CATSPERG: variants seen among roughly 807,000 people sequenced by gnomAD.
CATSPERG encodes the protein catsper channel auxiliary subunit gamma.
Under a neutral mutation model 145.0 loss-of-function variants are expected in CATSPERG, and 115 were observed. The observed-to-expected ratio is 0.79, with a 90% CI of 0.68 to 0.93. The LOEUF (loss-of-function observed/expected upper bound fraction) is 0.93, where lower values mean the gene tolerates loss of function less well. Ranked by LOEUF, CATSPERG falls within the 40% of genes least tolerant of loss-of-function variation. The pLI is 0.00. For missense variants in CATSPERG, 1,296 were observed against 1,490.1 expected, an observed-to-expected ratio of 0.87 and a Z score of 2.14; for synonymous variants, 588 against 589.0, an observed-to-expected ratio of 1.00 and a Z score of 0.02.
intron 8 of CATSPERG, among the ~76,000 whole-genome samples, chr19:38,353,951 A>T (rs1169280363): frequency 3.6e-5 from 5 of 137,292 alleles, no homozygotes; most frequent in Non-Finnish European, 7.6e-5. Context: ...AGATCGTGCC[A>T]CTGCACTCCA....
chr19:38,342,609 A>G (rs1600445530), intron 3 of CATSPERG, among the ~76,000 whole-genome samples: 1 of 151,824 alleles, frequency 6.6e-6, no homozygotes, highest in African/African-American at 2.4e-5. Context: ...TGAAAAAAAA[A>G]AAAAAAAGGA....
At chr19:38,350,066 C>T (rs926335547) in intron 7 of CATSPERG, among the ~76,000 whole-genome samples, 8 of 152,174 alleles carry the variant, frequency 5.3e-5, no homozygotes, top group Admixed American at 2.0e-4. Context: ...TGTATGATGG[C>T]AGCCACTGGG....
At position 38,362,782 on chromosome 19, in the gene CATSPERG, G is replaced by C. The variant is rs1198307590; in HGVS notation, c.2425G>C (p.Ala809Pro). The C allele has an allele frequency of 1.9e-6, 3 of 1,614,192 alleles. No individual in the cohort carries two copies. The highest frequency in any genetic ancestry group is 2.5e-6 in the Non-Finnish European group (3 of 1,180,026). ...GCTGGCCGACCCCGGCTGCATCGAG[G>C]CCTCGGTGAAGCAGGAGGTCCTGAT... ...VVLADPGCIE[A>P]SVKQEVLINR... The change falls in exon 20 of 29, where the codon GCC becomes CCC. Residue 809 changes from alanine to proline, a missense_variant. Coordinates refer to ENST00000409235, the MANE Select transcript of CATSPERG (RefSeq NM_021185.5).
chr19:38,367,125 A>G, intron 22 of CATSPERG, 31 bp from the exon 23 acceptor site: 1 of 1,594,432 alleles, frequency 6.3e-7, no homozygotes, highest in South Asian at 1.1e-5. Context: ...GACCCTGGCC[A>G]CCCCTGTGAG....
At chr19:38,366,071 ATCTC>A (rs1189386779) in intron 22 of CATSPERG, 2 of 152,234 alleles carry the variant, frequency 1.3e-5, no homozygotes, top group African/African-American at 2.4e-5. Flanking sequence ...CTGCTTTCAC[ATCTC>A]TCTCTTCTTC....
At chr19:38,357,990 C>T (rs928837908) in intron 11 of CATSPERG, 8 of 355,268 alleles carry the variant, frequency 2.3e-5, no homozygotes, top group East Asian at 1.0e-4. Flanking sequence ...TGGTGGTGTG[C>T]GCCTATAATC....
intron 6 of CATSPERG, among the ~76,000 whole-genome samples, chr19:38,345,263 A>AT (rs1568373129): frequency 2.0e-5 from 3 of 147,062 alleles, no homozygotes; most frequent in Admixed American, 6.8e-5. Flanking sequence ...CCTGCTAATA[A>AT]TTTTTTTATT....
At chr19:38,343,217 CT>C (rs1805372325) in intron 3 of CATSPERG, among the ~76,000 whole-genome samples, 1 of 152,136 alleles carries the variant, frequency 6.6e-6, no homozygotes, top group Non-Finnish European at 1.5e-5. Flanking sequence ...AAGCAGCACC[CT>C]GGGTGCCACA....
chr19:38,356,965 C>A, intron 11 of CATSPERG, 104 bp downstream of exon 11: 2 of 1,421,254 alleles, frequency 1.4e-6, no homozygotes, highest in Non-Finnish European at 1.9e-6. Context: ...AGAGGGAGGG[C>A]AACATTACCT....
At chr19:38,339,532 T>A (rs1462426190) in intron 3 of CATSPERG, among the ~76,000 whole-genome samples, 1 of 152,122 alleles carries the variant, frequency 6.6e-6, no homozygotes, top group Non-Finnish European at 1.5e-5. Context: ...TGGCGCAATC[T>A]CGGCACACTG....
chr19:38,361,290 G>C (rs11673203), intron 16 of CATSPERG, among the ~76,000 whole-genome samples: 20,992 of 152,060 alleles, frequency 0.14, 1,599 homozygotes, highest in South Asian at 0.21. Flanking sequence ...TGATGCCTCC[G>C]GTCATCGTCC....
chr19:38,364,904 A>AT lies in CATSPERG; in HGVS notation c.2490dup (p.Lys831Ter), dbSNP rs752163372. On this transcript the variant is annotated frameshift_variant, in exon 21 of 29. Coordinates refer to ENST00000409235, the MANE Select transcript of CATSPERG (RefSeq NM_021185.5). LOFTEE classifies it high-confidence loss of function. ...CTTCAACCCCAGATTACGCTCAAGG[A>AT]TAAAAAGCTTTGCTATGACCAAGGC... 29 of 1,613,792 alleles carry AT rather than the reference A, an allele frequency of 1.8e-5. No individual in the cohort carries two copies. The highest frequency in any genetic ancestry group is 2.5e-6 in the Non-Finnish European group (3 of 1,179,778).
chr19:38,350,206 C>T lies in CATSPERG; in HGVS notation c.826-2055C>T, dbSNP rs549845690. On this transcript the variant is annotated intron_variant, in intron 7 of 28. Transcript: ENST00000409235. ...GCAAGGGACACTGGGTGGTACATGC[C>T]CAGCTAAACTCAATCACCAAAAAAT... Among the ~76,000 whole-genome samples the T allele has an allele frequency of 8.5e-5, 13 of 152,260 alleles. No individual in the cohort carries two copies. The South Asian group carries it at 2.3e-3, about 27-fold the overall frequency.
At position 38,344,325 on chromosome 19, in the gene CATSPERG, AGAG is replaced by A; in HGVS notation, c.627_629del (p.Arg210del). 6.4e-7 allele frequency: 1 copy of A among 1,551,838 alleles called. No individual in the cohort carries two copies. Among genetic ancestry groups the A allele is most frequent in the Non-Finnish European group, 8.7e-7 (1 of 1,147,008 alleles). On this transcript the variant is annotated inframe_deletion, in exon 6 of 29. Transcript: ENST00000409235. ...CAGATGAATATCAACGGCTTCCTGAAGAGAGACCGGGACAATAACATCCAATTC... is the reference window on the plus strand; with the variant it reads ...CAGATGAATATCAACGGCTTCCTGAAAGACCGGGACAATAACATCCAATTC...
Position 38,352,356 on chromosome 19 carries a change from C to G in CATSPERG, c.921C>G (p.Leu307=), listed in dbSNP as rs1318527631. 3.2e-6 allele frequency: 5 copies of G among 1,551,896 alleles called. No homozygotes were observed. The highest frequency in any genetic ancestry group is 2.0e-5 in the Admixed American group (1 of 50,992). The change falls in exon 8 of 29, where the codon CTC becomes CTG. Residue 307 remains leucine (L), a synonymous_variant. Coordinates refer to ENST00000409235, the MANE Select transcript of CATSPERG (RefSeq NM_021185.5). ...ACACTATTGCCACCGAGAGCACCCT[C>G]TTCATTCGGCAGAACCAGCTGGTCT... ...IYDTIATEST[L]FIRQNQLVYY...
At chr19:38,338,078 T>G (rs1207167084) in intron 3 of CATSPERG, among the ~76,000 whole-genome samples, 2 of 152,076 alleles carry the variant, frequency 1.3e-5, no homozygotes, top group Non-Finnish European at 2.9e-5. Context: ...AAGAAGGCTG[T>G]CTGTGTACAG....
At chr19:38,339,337 T>G (rs12460264) in intron 3 of CATSPERG, among the ~76,000 whole-genome samples, 6,565 of 152,292 alleles carry the variant, frequency 0.043, 238 homozygotes, top group East Asian at 0.13. Context: ...TTTATGCCCT[T>G]GGCTTAGATT....
Position 38,360,541 on chromosome 19 carries a change from A to T in CATSPERG, c.1661A>T (p.Lys554Met). 1 of 1,614,144 alleles carries T rather than the reference A, an allele frequency of 6.2e-7. No individual in the cohort carries two copies. The highest frequency in any genetic ancestry group is 8.5e-7 in the Non-Finnish European group (1 of 1,180,030). Residue 554 changes from lysine (K) to methionine (M), a missense_variant, in exon 15 of 29, where the codon AAG becomes ATG. By Grantham distance (95) the Lys-to-Met change is moderately conservative (BLOSUM62 -1). Coordinates refer to ENST00000409235, the MANE Select transcript of CATSPERG (RefSeq NM_021185.5). ...CGGGTCTACCAGCTGTTCCCTTCCA[A>T]GGGCTGGCAGGTGCACATCAGCTTA... ...SYRVYQLFPSKGWQVHISLKL... is the reference protein window; with the variant it reads ...SYRVYQLFPSMGWQVHISLKL...
intron 20 of CATSPERG, among the ~76,000 whole-genome samples, chr19:38,363,249 A>G (rs989418902): frequency 5.3e-5 from 8 of 152,092 alleles, no homozygotes; most frequent in African/African-American, 1.9e-4. Flanking sequence ...CATGTTGGCC[A>G]GGCTAGTCTT....
Sources: allele counts gnomAD v4.1 joint callset (sites outside exome capture counted in the v4.1 genomes callset), GRCh38; gene constraint gnomAD v4.1.1; transcripts MANE v1.5; gene names NCBI Gene and HGNC (gene_info 2026-07-23, HGNC 2026-07-21).